BRD3: variants seen among roughly 807,000 people sequenced by gnomAD.
BRD3 encodes bromodomain-containing protein 3.
Under a neutral mutation model 66.8 loss-of-function variants are expected in BRD3, and 17 were observed. The ratio of observed to expected loss-of-function variants is 0.25; its 90% CI spans 0.17 to 0.38. BRD3 has a LOEUF of 0.38. BRD3 is among the 10% of genes least tolerant of loss of function. BRD3 has a pLI of 1.00. For missense variants in BRD3, 713 were observed against 956.1 expected, an observed-to-expected ratio of 0.75 and a Z score of 3.35; for synonymous variants, 421 against 393.2, an observed-to-expected ratio of 1.07 and a Z score of -0.84.
At chr9:134,035,730 C>G (rs1280653367) in intron 10 of BRD3, among the ~76,000 whole-genome samples, 1 of 152,246 alleles carries the variant, frequency 6.6e-6, no homozygotes, top group African/African-American at 2.4e-5. Context: ...CGGAGCCCAG[C>G]CCCAGAGTCG....
At chr9:134,042,001 C>T (rs954905154) in intron 7 of BRD3, 50 bp from the exon 8 acceptor site, 1 of 1,491,974 alleles carries the variant, frequency 6.7e-7, no homozygotes, top group African/African-American at 1.4e-5. Context: ...CATGGGGCTG[C>T]CCCTTGGTGT....
intron 1 of BRD3, among the ~76,000 whole-genome samples, chr9:134,062,487 G>A (rs1830565058): frequency 6.6e-6 from 1 of 152,174 alleles, no homozygotes; most frequent in Non-Finnish European, 1.5e-5. Context: ...TCTGAACCCA[G>A]GGCCTGTGCT....
intron 9 of BRD3, among the ~76,000 whole-genome samples, chr9:134,039,051 AC>A (rs1328318688): frequency 6.6e-6 from 1 of 151,408 alleles, no homozygotes; most frequent in African/African-American, 2.4e-5. Context: ...CAAACCCAGG[AC>A]CCCCATGCTC....
chr9:134,036,541 C>T, intron 9 of BRD3: 1 of 1,609,384 alleles, frequency 6.2e-7, no homozygotes, highest in South Asian at 1.1e-5. Context: ...GAGGTTCGTT[C>T]CTCTCTACAC....
rs1830319701 is a variant in BRD3, at chr9:134,052,157, T to G, written c.351+149A>C. 3 of 982,528 alleles carry G rather than the reference T, an allele frequency of 3.1e-6. No homozygotes were observed. The Admixed American group carries it at 8.4e-5, about 28-fold the overall frequency. The allele number at this position is 982,528 out of a possible 1,614,324, so 60.9% of individuals were successfully genotyped here. A position where few individuals can be genotyped will look rare whatever the true frequency, so the allele number is the denominator to read the frequency against. On this transcript the variant is annotated intron_variant, in intron 3 of 11. Coordinates refer to ENST00000303407, the MANE Select transcript of BRD3 (RefSeq NM_007371.4). The stretch of plus-strand genomic sequence containing the variant: ...ATCCGCCGACCTCGGCCTCCCAAAG[T>G]GCTGGGATTACAGGTGTGAGCCACG...
chr9:134,041,693 C>T, intron 8 of BRD3, 67 bp downstream of exon 8: 2 of 1,549,396 alleles, frequency 1.3e-6, no homozygotes, highest in Admixed American at 1.8e-5. Context: ...AAGGGACGGA[C>T]CTTGGGCTGC....
At chr9:134,036,477 G>C in intron 9 of BRD3, 153 bp from the exon 10 acceptor site, 2 of 1,578,520 alleles carry the variant, frequency 1.3e-6, no homozygotes, top group South Asian at 2.3e-5. Flanking sequence ...TCCAAGGTTA[G>C]AAAAGTCGCT....
chr9:134,032,817 C>G lies in BRD3; in HGVS notation c.*773G>C. Reference sequence around the variant, plus strand: ...CGGGCTGGACTTCCGTAGAAAATTGCCGAACCTTACAAAAAAAGTCTCCTT... The same window carrying G: ...CGGGCTGGACTTCCGTAGAAAATTGGCGAACCTTACAAAAAAAGTCTCCTT... On this transcript the variant is annotated 3_prime_UTR_variant, in exon 12 of 12. Coordinates refer to ENST00000303407, the MANE Select transcript of BRD3 (RefSeq NM_007371.4). 1 of 261,828 alleles carries G rather than the reference C, an allele frequency of 3.8e-6. No individual in the cohort carries two copies. Among genetic ancestry groups the G allele is most frequent in the Non-Finnish European group, 7.2e-6 (1 of 139,384 alleles). The allele number at this position is 261,828 out of a possible 1,614,324, so 16.2% of individuals were successfully genotyped here. A position where few individuals can be genotyped will look rare whatever the true frequency, so the allele number is the denominator to read the frequency against.
intron 10 of BRD3, 60 bp from the exon 11 acceptor site, chr9:134,034,889 G>A: frequency 1.9e-6 from 3 of 1,600,762 alleles, no homozygotes; most frequent in Non-Finnish European, 1.7e-6. Flanking sequence ...AGGAGCCAGG[G>A]CTGCATCCAG....
intron 1 of BRD3, among the ~76,000 whole-genome samples, chr9:134,063,245 A>C (rs1244159946): frequency 6.6e-6 from 1 of 152,192 alleles, no homozygotes; most frequent in Non-Finnish European, 1.5e-5. Flanking sequence ...GGCAGAGCTA[A>C]GAGCAAAGCG....
chr9:134,038,977 G>A (rs1829984545), intron 9 of BRD3, among the ~76,000 whole-genome samples: 1 of 152,082 alleles, frequency 6.6e-6, no homozygotes, highest in Admixed American at 6.6e-5. Flanking sequence ...ATAAGGGAAG[G>A]AAAGACCTAT....
chr9:134,041,869 A>G lies in BRD3; in HGVS notation c.1298T>C (p.Val433Ala), dbSNP rs201356648. The part of the protein sequence containing the change: ...PALPAPAAPM[V>A]SKGAESSRSS... Reference sequence around the variant, plus strand: ...ACGGCTGCTCTCAGCGCCCTTGCTCACCATGGGGGCCGCGGGGGCAGGCAG... The same window carrying G: ...ACGGCTGCTCTCAGCGCCCTTGCTCGCCATGGGGGCCGCGGGGGCAGGCAG... Residue 433 changes from valine (V) to alanine (A), a missense_variant, in exon 8 of 12, where the codon GTG becomes GCG. Coordinates refer to ENST00000303407, the MANE Select transcript of BRD3 (RefSeq NM_007371.4). The G allele has an allele frequency of 3.9e-4, 622 of 1,612,566 alleles. 8 individuals carry two copies. The South Asian group carries it at 6.5e-3, about 17-fold the overall frequency.
chr9:134,065,058 C>A (rs941764247), intron 1 of BRD3, among the ~76,000 whole-genome samples: 1 of 152,250 alleles, frequency 6.6e-6, no homozygotes, highest in Non-Finnish European at 1.5e-5. Context: ...CCTTTTACGG[C>A]AAGAAGCCTT....
rs1456025552 is a variant in BRD3 at position 134,031,464 on chromosome 9, G to T, written c.*2126C>A. 4.9e-6 allele frequency: 1 copy of T among 202,438 alleles called. No homozygotes were observed. The highest frequency in any genetic ancestry group is 1.0e-5 in the Non-Finnish European group (1 of 98,982). 12.5% of individuals were successfully genotyped at this position (202,438 alleles called of 1,614,324 possible). A position where few individuals can be genotyped will look rare whatever the true frequency, so the allele number is the denominator to read the frequency against. ...GAATTCCTTAAATTCGGTTTAAATA[G>T]TCCATTAAAGATCTGTTTAGAAAAT... On this transcript the variant is annotated 3_prime_UTR_variant, in exon 12 of 12. Coordinates refer to ENST00000303407, the MANE Select transcript of BRD3 (RefSeq NM_007371.4).
At chr9:134,064,383 T>TAA (rs149541121) in intron 1 of BRD3, among the ~76,000 whole-genome samples, 4 of 149,184 alleles carry the variant, frequency 2.7e-5, no homozygotes, top group South Asian at 2.1e-4. Context: ...TAAAAAAAAT[T>TAA]AAAAAAAATA....
chr9:134,038,357 T>C (rs1425187960), intron 9 of BRD3, among the ~76,000 whole-genome samples: 1 of 152,200 alleles, frequency 6.6e-6, no homozygotes, highest in Non-Finnish European at 1.5e-5. Context: ...GGTTTCACCA[T>C]GTTGGCCCAA....
intron 1 of BRD3, chr9:134,057,098 C>T (rs1830441274): frequency 6.6e-6 from 1 of 152,302 alleles, no homozygotes; most frequent in African/African-American, 2.4e-5. Context: ...CAAACAGCTT[C>T]CCGACCAGAG....
chr9:134,044,704 C>T lies in BRD3; in HGVS notation c.1215+589G>A, dbSNP rs558188083. 2.6e-4 allele frequency among the ~76,000 whole-genome samples: 39 copies of T among 152,290 alleles called. 1 individual carries two copies. Among genetic ancestry groups the T allele is most frequent in the South Asian group, 8.3e-4 (4 of 4,826 alleles). ...AGGCAGGAGCACACACACGCACACA[C>T]GTCCACACACACACACAAATATCTC... On this transcript the variant is annotated intron_variant, in intron 7 of 11. Transcript: ENST00000303407.
Position 134,030,837 on chromosome 9 carries a change from G to C in BRD3, c.*2753C>G, listed in dbSNP as rs1271075136. The stretch of plus-strand genomic sequence containing the variant: ...GAAGCCTGCCCCCTCGGCCTCCAGG[G>C]GTCATTCAGAGTGTTCTCAAATCCA... On this transcript the variant is annotated 3_prime_UTR_variant, in exon 12 of 12. Transcript: ENST00000303407. 4.3e-6 allele frequency: 1 copy of C among 232,354 alleles called. No homozygotes were observed. Among genetic ancestry groups the C allele is most frequent in the Admixed American group, 5.6e-5 (1 of 17,738 alleles). 14.4% of individuals were successfully genotyped at this position (232,354 alleles called of 1,614,324 possible).
Sources: allele counts gnomAD v4.1 joint callset (sites outside exome capture counted in the v4.1 genomes callset), GRCh38; gene constraint gnomAD v4.1.1; transcripts MANE v1.5; gene names NCBI Gene and HGNC (gene_info 2026-07-23, HGNC 2026-07-21).